The following NOVA1 variants were observed in gnomAD, a reference collection of about 807,000 sequenced individuals.
NOVA1 encodes the protein NOVA alternative splicing regulator 1.
Under a neutral mutation model 38.0 loss-of-function variants are expected in NOVA1, and 7 were observed. The ratio of observed to expected loss-of-function variants is 0.18; its 90% CI spans 0.10 to 0.35. The LOEUF (loss-of-function observed/expected upper bound fraction) is 0.35. Ranked by LOEUF, NOVA1 falls within the 10% of genes least tolerant of loss-of-function variation. The pLI is 1.00. For missense variants in NOVA1, 460 were observed against 616.0 expected, an observed-to-expected ratio of 0.75 and a Z score of 2.68; for synonymous variants, 270 against 232.5, an observed-to-expected ratio of 1.16 and a Z score of -1.47.
At chr14:26,591,571 G>A (rs1893842625) in intron 2 of NOVA1, among the ~76,000 whole-genome samples, 1 of 151,586 alleles carries the variant, frequency 6.6e-6, no homozygotes, top group Non-Finnish European at 1.5e-5. Context: ...ACATTCATAT[G>A]TACTACCAAT....
intron 4 of NOVA1, among the ~76,000 whole-genome samples, chr14:26,458,164 A>G (rs570838207): frequency 2.6e-5 from 4 of 152,132 alleles, no homozygotes; most frequent in Non-Finnish European, 5.9e-5. Flanking sequence ...GTTATTAAAA[A>G]GCCAGAAAAT....
chr14:26,472,815 G>GA (rs1884695710), intron 3 of NOVA1, among the ~76,000 whole-genome samples: 1 of 151,834 alleles, frequency 6.6e-6, no homozygotes, highest in African/African-American at 2.4e-5. Flanking sequence ...AAGAAGTGGT[G>GA]AAATGAAGTT....
At chr14:26,472,053 T>A in intron 4 of NOVA1, 2 of 428,358 alleles carry the variant, frequency 4.7e-6, no homozygotes, top group Non-Finnish European at 8.2e-6. Context: ...TAGGCTTCAG[T>A]GCTCCATTAG....
chr14:26,548,308 C>A (rs546740999), intron 2 of NOVA1, among the ~76,000 whole-genome samples: 71 of 152,118 alleles, frequency 4.7e-4, no homozygotes, highest in Non-Finnish European at 8.1e-4. Flanking sequence ...CTACCTACCT[C>A]ATTTTACAAG....
At position 26,463,652 on chromosome 14, in the gene NOVA1, C is replaced by A. The variant is rs575897844; in HGVS notation, c.519+8668G>T. Among the ~76,000 whole-genome samples the A allele has an allele frequency of 9.3e-4, 141 of 152,196 alleles. 1 individual carries two copies. The highest frequency in any genetic ancestry group is 3.3e-3 in the African/African-American group (137 of 41,534). On this transcript the variant is annotated intron_variant, in intron 4 of 4. Coordinates refer to ENST00000539517, the MANE Select transcript of NOVA1 (RefSeq NM_002515.3). ...CTTATTAATGGCATATTCTGCTATA[C>A]CAAAAATAATAAATGTTTATATACT...
chr14:26,564,865 A>G (rs1264330313), intron 2 of NOVA1, among the ~76,000 whole-genome samples: 2 of 152,156 alleles, frequency 1.3e-5, no homozygotes, highest in Admixed American at 1.3e-4. Flanking sequence ...ATACACTTAA[A>G]CCTTTAAGTA....
At chr14:26,496,349 T>A (rs191574861) in intron 2 of NOVA1, among the ~76,000 whole-genome samples, 6 of 152,314 alleles carry the variant, frequency 3.9e-5, no homozygotes, top group Non-Finnish European at 7.3e-5. Flanking sequence ...GGGTTGTTTT[T>A]TTCTTGTAAA....
chr14:26,543,963 G>A (rs1259831601), intron 2 of NOVA1, among the ~76,000 whole-genome samples: 1 of 151,954 alleles, frequency 6.6e-6, no homozygotes, highest in Non-Finnish European at 1.5e-5. Flanking sequence ...AAGTAGCACC[G>A]TGATGCACTC....
At chr14:26,516,857 T>C (rs1450038475) in intron 2 of NOVA1, among the ~76,000 whole-genome samples, 1 of 151,434 alleles carries the variant, frequency 6.6e-6, no homozygotes, top group Non-Finnish European at 1.5e-5. Context: ...TATTATGGCC[T>C]ACAATGGCCT....
At position 26,443,256 on chromosome 14, in the gene NOVA1, G is replaced by A. The variant is rs1176205239; in HGVS notation, c.*4703C>T. ...ATTGGCTTCTGTACCACTTTGTAAT[G>A]AGACAATTGCCTTTCCATTGCAATT... is the stretch of plus-strand genomic sequence containing the variant. On this transcript the variant is annotated 3_prime_UTR_variant, in exon 5 of 5. Transcript: ENST00000539517. 3.3e-5 allele frequency: 5 copies of A among 151,766 alleles called. No homozygotes were observed. The highest frequency in any genetic ancestry group is 7.4e-5 in the Non-Finnish European group (5 of 67,902). The allele number at this position is 151,766 out of a possible 1,614,324, so 9.4% of individuals were successfully genotyped here.
chr14:26,569,962 T>C (rs1462158327), intron 2 of NOVA1, among the ~76,000 whole-genome samples: 1 of 152,224 alleles, frequency 6.6e-6, no homozygotes, highest in Non-Finnish European at 1.5e-5. Flanking sequence ...TAATTCTGTA[T>C]CTTCCATTTC....
chr14:26,466,290 T>C (rs569780755), intron 4 of NOVA1, among the ~76,000 whole-genome samples: 1 of 152,356 alleles, frequency 6.6e-6, no homozygotes, highest in East Asian at 1.9e-4. Context: ...ATGTTGGCTT[T>C]TACTCAGCGA....
intron 4 of NOVA1, among the ~76,000 whole-genome samples, chr14:26,449,531 G>T (rs1031076324): frequency 6.6e-6 from 1 of 152,002 alleles, no homozygotes; most frequent in Non-Finnish European, 1.5e-5. Flanking sequence ...TGTCTTCAGA[G>T]ATAAAGGTCA....
At chr14:26,486,696 C>CAAAAAAAAAAAAAAA (rs59078775) in intron 2 of NOVA1, among the ~76,000 whole-genome samples, 1 of 23,106 alleles carries the variant, frequency 4.3e-5, no homozygotes, top group Non-Finnish European at 7.0e-5. Flanking sequence ...GTGACAGACT[C>CAAAAAAAAAAAAAAA]AAAAAAAAAA....
chr14:26,534,953 G>C (rs1342811293), intron 2 of NOVA1, among the ~76,000 whole-genome samples: 1 of 152,182 alleles, frequency 6.6e-6, no homozygotes, highest in Admixed American at 6.5e-5. Flanking sequence ...CAGACCTGTT[G>C]AGGCTTGATT....
rs1890613330 is a variant in NOVA1 at position 26,543,713 on chromosome 14, C to T, written c.280+51697G>A. On this transcript the variant is annotated intron_variant, in intron 2 of 4. Coordinates refer to ENST00000539517, the MANE Select transcript of NOVA1 (RefSeq NM_002515.3). Reference sequence around the variant, plus strand: ...AAAAGCAAGCTTCCCATTATGGCCTCAATGCCACAATGGTAGTGTAACAGG... The same window carrying T: ...AAAAGCAAGCTTCCCATTATGGCCTTAATGCCACAATGGTAGTGTAACAGG... Among the ~76,000 whole-genome samples, 3 of 151,934 alleles carry T rather than the reference C, an allele frequency of 2.0e-5. No homozygotes were observed. In the South Asian group the frequency reaches 6.2e-4, roughly 31 times the overall value.
At chr14:26,591,669 A>G (rs1055165322) in intron 2 of NOVA1, among the ~76,000 whole-genome samples, 46 of 151,626 alleles carry the variant, frequency 3.0e-4, no homozygotes, top group Non-Finnish European at 3.1e-4. Context: ...TATCATAATT[A>G]TACAATTCCA....
At position 26,541,020 on chromosome 14, in the gene NOVA1, T is replaced by C. The variant is rs554130040; in HGVS notation, c.280+54390A>G. 1.1e-4 allele frequency among the ~76,000 whole-genome samples: 16 copies of C among 152,102 alleles called. 1 individual carries two copies. In the South Asian group the frequency reaches 2.7e-3, roughly 26 times the overall value. On this transcript the variant is annotated intron_variant, in intron 2 of 4. Transcript: ENST00000539517. The stretch of plus-strand genomic sequence containing the variant: ...CAATACAAATCTTAAAGGCAAAATA[T>C]TTAGGATCCAGAAAAAAAATTGGAT...
chr14:26,488,852 C>A (rs1193751162), intron 2 of NOVA1, among the ~76,000 whole-genome samples: 2 of 152,022 alleles, frequency 1.3e-5, no homozygotes, highest in African/African-American at 4.8e-5. Context: ...AGAAAAATGG[C>A]ACTTGAAATT....
Sources: gnomAD v4.1 joint callset for allele counts (sites outside exome capture counted in the v4.1 genomes callset) on GRCh38, gnomAD v4.1.1 for gene constraint, MANE v1.5 for transcripts, NCBI Gene and HGNC (gene_info 2026-07-23, HGNC 2026-07-21) for gene names.